The following EPC2 variants were observed in gnomAD, a reference collection of about 807,000 sequenced individuals.
EPC2 encodes enhancer of polycomb 2.
A neutral mutation model predicts 92.1 loss-of-function variants in EPC2; 14 were observed. The ratio of observed to expected loss-of-function variants is 0.15; its 90% CI spans 0.10 to 0.24. The LOEUF (loss-of-function observed/expected upper bound fraction) is 0.24, where lower values mean the gene tolerates loss of function less well. EPC2 is among the 10% of genes least tolerant of loss of function. The pLI, the probability that EPC2 is intolerant of heterozygous loss-of-function variation, is 1.00. For missense variants in EPC2, 755 were observed against 971.5 expected, an observed-to-expected ratio of 0.78 and a Z score of 2.96; for synonymous variants, 340 against 334.7, an observed-to-expected ratio of 1.02 and a Z score of -0.17.
At chr2:148,685,489 G>T (rs970895308) in intron 1 of EPC2, among the ~76,000 whole-genome samples, 3 of 152,186 alleles carry the variant, frequency 2.0e-5, no homozygotes, top group South Asian at 2.1e-4. Context: ...GGCTGGGCAC[G>T]GTGGCTCACG....
At chr2:148,691,018 T>C (rs1681634401) in intron 2 of EPC2, among the ~76,000 whole-genome samples, 1 of 152,204 alleles carries the variant, frequency 6.6e-6, no homozygotes, top group South Asian at 2.1e-4. Context: ...TCTTCTGAAA[T>C]TTTTCAGAAT....
chr2:148,645,213 C>G (rs966611696), intron 1 of EPC2, 43 bp downstream of exon 1: 1 of 1,494,200 alleles, frequency 6.7e-7, no homozygotes, highest in Non-Finnish European at 9.1e-7. Context: ...CCTCCTCCCC[C>G]CTCCCCTTTG....
chr2:148,769,133 A>C lies in EPC2; in HGVS notation c.1141-18A>C. ...TTGACTTTTGATAACTTCTAAATGG[A>C]ATGCCTCTTTTGTCTAGGTATTGTC... On this transcript the variant is annotated intron_variant, in intron 7 of 13. Transcript: ENST00000258484. 1.3e-6 allele frequency: 2 copies of C among 1,558,250 alleles called. No individual in the cohort carries two copies. Among genetic ancestry groups the C allele is most frequent in the Non-Finnish European group, 1.8e-6 (2 of 1,132,596 alleles).
chr2:148,656,008 TG>T lies in EPC2; in HGVS notation c.153+10839del, dbSNP rs1445322408. 1.6e-3 allele frequency among the ~76,000 whole-genome samples: 162 copies of T among 99,758 alleles called. 7 individuals carry two copies. The highest frequency in any genetic ancestry group is 9.2e-3 in the East Asian group (34 of 3,698). 65.4% of individuals were successfully genotyped at this position (99,758 alleles called of 152,430 possible). A position where few individuals can be genotyped will look rare whatever the true frequency, so the allele number is the denominator to read the frequency against. On this transcript the variant is annotated intron_variant, in intron 1 of 13. Coordinates refer to ENST00000258484, the MANE Select transcript of EPC2 (RefSeq NM_015630.4). ...AGAGGCAGCTGCTGTTAGCTGTGTG[TG>T]TGTGTGTGTGTGTGTGGGGGGGGGG...
At chr2:148,775,062 C>A (rs1438234380) in intron 10 of EPC2, among the ~76,000 whole-genome samples, 1 of 148,938 alleles carries the variant, frequency 6.7e-6, no homozygotes, top group Non-Finnish European at 1.5e-5. Context: ...GCACTCCAGC[C>A]TGGGCAGCAG....
At chr2:148,665,360 T>A (rs1009892019) in intron 1 of EPC2, among the ~76,000 whole-genome samples, 11 of 152,234 alleles carry the variant, frequency 7.2e-5, no homozygotes, top group African/African-American at 2.4e-4. Flanking sequence ...ATTCACCTAC[T>A]GTTTGAATTT....
intron 2 of EPC2, among the ~76,000 whole-genome samples, chr2:148,694,857 G>GC (rs1681714358): frequency 1.3e-5 from 2 of 152,020 alleles, no homozygotes; most frequent in Non-Finnish European, 2.9e-5. Context: ...CTTCCTCACC[G>GC]CCCCCACCAG....
chr2:148,728,613 C>T (rs1413878285), intron 2 of EPC2, among the ~76,000 whole-genome samples: 1 of 151,830 alleles, frequency 6.6e-6, no homozygotes, highest in Non-Finnish European at 1.5e-5. Context: ...GTCTGTAGTC[C>T]CAGCTATTTG....
At chr2:148,752,517 C>T (rs186566692) in intron 3 of EPC2, among the ~76,000 whole-genome samples, 20 of 152,216 alleles carry the variant, frequency 1.3e-4, no homozygotes, top group East Asian at 3.9e-4. Flanking sequence ...TCTGGCTATC[C>T]ACTTTAAGGA....
intron 1 of EPC2, among the ~76,000 whole-genome samples, chr2:148,673,174 T>C (rs1350862711): frequency 6.6e-6 from 1 of 152,194 alleles, no homozygotes; most frequent in Non-Finnish European, 1.5e-5. Context: ...GTGTGTGTGT[T>C]GTTGGGCTAT....
rs1682331143 is a variant in EPC2 at position 148,719,741 on chromosome 2, T to TA, written c.314-23881_314-23880insA. Among the ~76,000 whole-genome samples, 5 of 152,230 alleles carry TA rather than the reference T, an allele frequency of 3.3e-5. No individual in the cohort carries two copies. The South Asian group carries it at 1.0e-3, about 31-fold the overall frequency. ...CAGGGGCCCGCTTAAAGCAACAGTT[T>TA]GGCCTCTTTTTGTTAGAGCAGCTGT... On this transcript the variant is annotated intron_variant, in intron 2 of 13. Transcript: ENST00000258484.
chr2:148,726,172 A>G (rs1682490627), intron 2 of EPC2, among the ~76,000 whole-genome samples: 1 of 152,142 alleles, frequency 6.6e-6, no homozygotes, highest in African/African-American at 2.4e-5. Context: ...TGTATGTACC[A>G]TACTGTTTTT....
At chr2:148,680,312 A>C (rs1172391139) in intron 1 of EPC2, among the ~76,000 whole-genome samples, 1 of 152,206 alleles carries the variant, frequency 6.6e-6, no homozygotes, top group Non-Finnish European at 1.5e-5. Context: ...ACATGATTGC[A>C]TACTTCATTA....
chr2:148,695,694 G>T (rs950370662), intron 2 of EPC2, among the ~76,000 whole-genome samples: 1 of 152,212 alleles, frequency 6.6e-6, no homozygotes, highest in African/African-American at 2.4e-5. Flanking sequence ...CAAATGAAGA[G>T]CATTGTTTTG....
intron 1 of EPC2, among the ~76,000 whole-genome samples, chr2:148,667,974 C>G (rs145414075): frequency 5.3e-5 from 8 of 152,268 alleles, no homozygotes; most frequent in Non-Finnish European, 1.0e-4. Flanking sequence ...TCTCGGCTCA[C>G]CACGACCTCT....
At chr2:148,677,413 G>A (rs1176210567) in intron 1 of EPC2, among the ~76,000 whole-genome samples, 6 of 152,186 alleles carry the variant, frequency 3.9e-5, no homozygotes, top group African/African-American at 1.4e-4. Flanking sequence ...GCTGGCTCAT[G>A]CTTGTAATCC....
chr2:148,667,495 A>T (rs1336807009), intron 1 of EPC2, among the ~76,000 whole-genome samples: 1 of 152,198 alleles, frequency 6.6e-6, no homozygotes, highest in African/African-American at 2.4e-5. Flanking sequence ...AATATTACTA[A>T]ACTCACTTAT....
chr2:148,781,907 A>G, intron 11 of EPC2, 127 bp downstream of exon 11: 1 of 1,046,012 alleles, frequency 9.6e-7, no homozygotes, highest in East Asian at 2.5e-5. Context: ...TGTAACCTGA[A>G]TTTCTTTTCA....
At chr2:148,744,989 G>GCCCCCCCCCCCCCCCCCCCCCC (rs34269450) in intron 3 of EPC2, among the ~76,000 whole-genome samples, 1 of 46,296 alleles carries the variant, frequency 2.2e-5, no homozygotes, top group Non-Finnish European at 4.9e-5. Flanking sequence ...CTATCAGTTT[G>GCCCCCCCCCCCCCCCCCCCCCC]CCCCCCCCCC....
Sources: gnomAD v4.1 joint callset for allele counts (sites outside exome capture counted in the v4.1 genomes callset) on GRCh38, gnomAD v4.1.1 for gene constraint, MANE v1.5 for transcripts, NCBI Gene and HGNC (gene_info 2026-07-23, HGNC 2026-07-21) for gene names.